Variants in RGS10 observed in about 807,000 individuals in gnomAD.
The protein encoded by RGS10 is regulator of G-protein signalling 10.
A neutral mutation model predicts 23.5 loss-of-function variants in RGS10; 11 were observed. The observed-to-expected ratio is 0.47, with a 90% CI of 0.29 to 0.77. The LOEUF is 0.77. Ranked by LOEUF, RGS10 falls within the 30% of genes least tolerant of loss-of-function variation. The pLI is 0.08. For missense variants in RGS10, 180 were observed against 226.3 expected (o/e 0.80, Z 1.31); for synonymous variants, 77 against 83.2 (o/e 0.92, Z 0.41).
chr10:119,530,140 T>C (rs1844317584), intron 1 of RGS10, among the ~76,000 whole-genome samples: 1 of 152,186 alleles, frequency 6.6e-6, no homozygotes, highest in South Asian at 2.1e-4. Context: ...CTCTAAATGA[T>C]ATATTTTTTT....
Position 119,527,955 on chromosome 10 carries a change from C to T in RGS10, c.50-531G>A, listed in dbSNP as rs1478447063. Among the ~76,000 whole-genome samples, 2 of 152,134 alleles carry T rather than the reference C, an allele frequency of 1.3e-5. No homozygotes were observed. On this transcript the variant is annotated intron_variant, in intron 1 of 4. Transcript: ENST00000369103. The surrounding 1 kb of genome is among the most constrained non-coding windows in gnomAD (Gnocchi z 4.2). ...AAAACTCATTGCAGGACGGGACCCA[C>T]GTGATGGCGCAAAATGTCAGAGGGT... is the stretch of plus-strand genomic sequence containing the variant.
intron 4 of RGS10, among the ~76,000 whole-genome samples, chr10:119,506,734 C>T (rs1844017131): frequency 6.6e-6 from 1 of 152,206 alleles, no homozygotes; most frequent in Non-Finnish European, 1.5e-5. Flanking sequence ...CGGAGTCTCA[C>T]TCTGTCGCCA....
rs115562094 is a variant in RGS10 at position 119,517,971 on chromosome 10, G to A, written c.256-2319C>T. 6.6e-3 allele frequency among the ~76,000 whole-genome samples: 1,011 copies of A among 152,280 alleles called. 15 individuals are homozygous for A. Among genetic ancestry groups the A allele is most frequent in the African/African-American group, 0.023 (955 of 41,560 alleles). ...GCAGCTGCAGGGCTCAGCTTATCTC[G>A]GCGGAGCTAGGAAGTATGACTGAAA... On this transcript the variant is annotated intron_variant, in intron 3 of 4. Coordinates refer to ENST00000369103, the MANE Select transcript of RGS10 (RefSeq NM_001005339.2). This position sits in a 1 kb window ranked among gnomAD's most constrained non-coding sequence, Gnocchi z 5.0.
chr10:119,532,857 A>C (rs548295511), intron 1 of RGS10, among the ~76,000 whole-genome samples: 47 of 151,684 alleles, frequency 3.1e-4, no homozygotes, highest in African/African-American at 1.1e-3. Context: ...AACAAAATAA[A>C]ACAAAAACAA....
intron 1 of RGS10, among the ~76,000 whole-genome samples, chr10:119,528,729 G>T (rs932483772): frequency 6.6e-6 from 1 of 152,062 alleles, no homozygotes; most frequent in Non-Finnish European, 1.5e-5. Context: ...AGCTCCTTGA[G>T]AGGCTGAGGC....
intron 4 of RGS10, among the ~76,000 whole-genome samples, chr10:119,513,511 A>G (rs1844100932): frequency 8.6e-6 from 1 of 115,826 alleles, no homozygotes; most frequent in East Asian, 2.2e-4. Context: ...ATTAAAAAAG[A>G]AAAAAAAAAC....
At chr10:119,523,359 A>G (rs1009191995) in intron 3 of RGS10, among the ~76,000 whole-genome samples, 2 of 152,194 alleles carry the variant, frequency 1.3e-5, no homozygotes, top group African/African-American at 4.8e-5. Flanking sequence ...TTAAGGACAC[A>G]GACTTTCAAG....
intron 1 of RGS10, chr10:119,536,427 A>T (rs776373131): frequency 1.9e-6 from 3 of 1,604,992 alleles, no homozygotes; most frequent in Non-Finnish European, 2.6e-6. Context: ...CGACAGGCAA[A>T]CTGCGGACAT....
Position 119,527,382 on chromosome 10 carries a change from C to T in RGS10, c.92G>A (p.Ser31Asn), listed in dbSNP as rs775942700. 1.2e-6 allele frequency: 2 copies of T among 1,614,254 alleles called. No individual in the cohort carries two copies. Among genetic ancestry groups the T allele is most frequent in the South Asian group, 1.1e-5 (1 of 91,092 alleles). The change falls in exon 2 of 5, where the codon AGC becomes AAC. Residue 31 changes from serine to asparagine, a missense_variant. Ser to Asn is a conservative substitution (Grantham distance 46). Transcript: ENST00000369103. The surrounding 1 kb of genome is among the most constrained non-coding windows in gnomAD (Gnocchi z 4.2). ...SDGSSSSSHQ[S>N]LKSTAKWAAS... is the part of the protein sequence containing the mutation. ...CGCCCATTTGGCTGTGCTCTTGAGGCTCTGGTGGCTGCTGCTGGAACTGCC... is the reference window on the plus strand; with the variant it reads ...CGCCCATTTGGCTGTGCTCTTGAGGTTCTGGTGGCTGCTGCTGGAACTGCC...
intron 3 of RGS10, 72 bp from the exon 4 acceptor site, chr10:119,515,724 C>T: frequency 6.4e-7 from 1 of 1,570,196 alleles, no homozygotes. Flanking sequence ...GCTCTCCCCT[C>T]CAGCCAGGCC....
intron 4 of RGS10, 86 bp from the exon 5 acceptor site, chr10:119,500,345 A>C: frequency 8.0e-7 from 1 of 1,246,714 alleles, no homozygotes. Flanking sequence ...AATACCTACC[A>C]TGTGCCAAAG....
intron 1 of RGS10, among the ~76,000 whole-genome samples, chr10:119,531,617 A>T (rs912822125): frequency 6.6e-6 from 1 of 152,166 alleles, no homozygotes. Flanking sequence ...AAACACACTA[A>T]TGTGGTCCAG....
chr10:119,508,067 G>A (rs1400415248), intron 4 of RGS10, among the ~76,000 whole-genome samples: 1 of 151,950 alleles, frequency 6.6e-6, no homozygotes, highest in African/African-American at 2.4e-5. Flanking sequence ...GCACGATCTC[G>A]GCTCACTGCA....
At chr10:119,518,741 G>C (rs2133952082) in intron 3 of RGS10, among the ~76,000 whole-genome samples, 1 of 150,462 alleles carries the variant, frequency 6.6e-6, no homozygotes, top group East Asian at 2.0e-4. Flanking sequence ...GAGTCTCACT[G>C]TCGCCCAGGC....
chr10:119,542,091 C>T (rs573499943), intron 1 of RGS10, among the ~76,000 whole-genome samples: 1 of 152,310 alleles, frequency 6.6e-6, no homozygotes, highest in East Asian at 1.9e-4. Context: ...CCCTCGCGAT[C>T]CCACCTTTTG....
rs538041324 is a variant in RGS10, at chr10:119,503,677, T to G, written c.400-3418A>C. Reference sequence around the variant, plus strand: ...GGGGCTTAGGGGTTCCTCACAGTTCTGGAGGCTAGAAGTCCAAGTCAAGGT... The same window carrying G: ...GGGGCTTAGGGGTTCCTCACAGTTCGGGAGGCTAGAAGTCCAAGTCAAGGT... On this transcript the variant is annotated intron_variant, in intron 4 of 4. Coordinates refer to ENST00000369103, the MANE Select transcript of RGS10 (RefSeq NM_001005339.2). Among the ~76,000 whole-genome samples, 5 of 152,298 alleles carry G rather than the reference T, an allele frequency of 3.3e-5. No homozygotes were observed. In the South Asian group the frequency reaches 1.0e-3, roughly 32 times the overall value.
intron 3 of RGS10, among the ~76,000 whole-genome samples, chr10:119,518,710 C>CTT (rs201231752): frequency 7.0e-6 from 1 of 141,856 alleles, no homozygotes; most frequent in Non-Finnish European, 1.6e-5. Context: ...CCCCCAATCC[C>CTT]TCTTTTTTTT....
At chr10:119,502,667 G>C (rs910247971) in intron 4 of RGS10, among the ~76,000 whole-genome samples, 1 of 152,102 alleles carries the variant, frequency 6.6e-6, no homozygotes, top group Non-Finnish European at 1.5e-5. Flanking sequence ...GGCAGGACTC[G>C]ACCCCGAGAT....
intron 4 of RGS10, among the ~76,000 whole-genome samples, chr10:119,509,794 A>G (rs1844055702): frequency 6.6e-6 from 1 of 152,202 alleles, no homozygotes; most frequent in Admixed American, 6.5e-5. Context: ...CAGAAGCCAC[A>G]GTAAGAAACA....
Sources: gnomAD v4.1 joint callset for allele counts (sites outside exome capture counted in the v4.1 genomes callset) on GRCh38, gnomAD v4.1.1 for gene constraint, Gnocchi (gnomAD v3.1) non-coding constraint, MANE v1.5 for transcripts, NCBI Gene and HGNC (gene_info 2026-07-23, HGNC 2026-07-21) for gene names.